TBL1Y: variants seen among roughly 807,000 people sequenced by gnomAD.
TBL1Y encodes F-box-like/WD repeat-containing protein TBL1Y.
TBL1Y carries 15 observed loss-of-function variants against 12.0 expected under a neutral mutation model. That is an observed-to-expected ratio of 1.25 (90% confidence interval 0.83 to 1.92). The LOEUF (loss-of-function observed/expected upper bound fraction) is 1.92. Ranked by LOEUF, TBL1Y falls within the 40% of genes most tolerant of loss-of-function variation. The pLI is 0.00. For missense variants in TBL1Y, 148 were observed against 116.7 expected (o/e 1.27, Z -1.24); for synonymous variants, 53 against 42.6 (o/e 1.24, Z -0.95).
intron 6 of TBL1Y, among the ~76,000 whole-genome samples, chrY:7,026,595 G>A (rs757961230): frequency 1.2e-4 from 4 of 34,141 alleles, no homozygotes; most frequent in African/African-American, 4.6e-4. Flanking sequence ...TGTAAAAAGT[G>A]CATGTGCACG....
chrY:6,998,669 G>A, intron 4 of TBL1Y, among the ~76,000 whole-genome samples: 1 of 32,393 alleles, frequency 3.1e-5, no homozygotes, highest in Non-Finnish European at 7.5e-5. Context: ...CAGAAAAATA[G>A]TTTTGCCTCC....
intron 7 of TBL1Y, among the ~76,000 whole-genome samples, chrY:7,053,998 G>T (rs763936401): frequency 2.9e-5 from 1 of 34,371 alleles, no homozygotes; most frequent in South Asian, 6.5e-4. Flanking sequence ...CCAAGGGTCC[G>T]GAGTTGGAAG....
intron 2 of TBL1Y, among the ~76,000 whole-genome samples, chrY:6,958,328 C>T (rs2012081322): frequency 3.0e-5 from 1 of 33,231 alleles, no homozygotes; most frequent in Non-Finnish European, 7.4e-5. Flanking sequence ...TTTAAGGAAT[C>T]AAGTAGAAGA....
intron 8 of TBL1Y, among the ~76,000 whole-genome samples, chrY:7,066,456 C>A: frequency 3.0e-5 from 1 of 33,434 alleles, no homozygotes; most frequent in Non-Finnish European, 7.3e-5. Context: ...CAGGCTCCAC[C>A]TCTCAGGATT....
intron 6 of TBL1Y, among the ~76,000 whole-genome samples, chrY:7,040,837 A>G (rs2012717614): frequency 2.9e-5 from 1 of 34,415 alleles, no homozygotes; most frequent in South Asian, 6.5e-4. Context: ...GATAGTTTAC[A>G]GAGTACTCAG....
chrY:7,074,331 G>A (rs972919017), intron 12 of TBL1Y, among the ~76,000 whole-genome samples: 1 of 33,162 alleles, frequency 3.0e-5, no homozygotes, highest in Non-Finnish European at 7.4e-5. Context: ...TATTTTAGGC[G>A]TATGGGAGTG....
intron 6 of TBL1Y, among the ~76,000 whole-genome samples, chrY:7,026,604 C>T: frequency 2.9e-5 from 1 of 33,951 alleles, no homozygotes; most frequent in Non-Finnish European, 7.3e-5. Context: ...TGCATGTGCA[C>T]GGAGACAGAG....
At chrY:6,922,531 T>C in intron 2 of TBL1Y, among the ~76,000 whole-genome samples, 1 of 33,648 alleles carries the variant, frequency 3.0e-5, no homozygotes, top group Non-Finnish European at 7.4e-5. Flanking sequence ...GCGTTTACAG[T>C]CCTTTAGCTA....
chrY:7,001,604 G>A, intron 4 of TBL1Y, among the ~76,000 whole-genome samples: 1 of 31,840 alleles, frequency 3.1e-5, no homozygotes, highest in Non-Finnish European at 7.6e-5. Flanking sequence ...GGGCAACACA[G>A]CGAGACTCCG....
chrY:6,983,090 A>G (rs987326410), intron 3 of TBL1Y, among the ~76,000 whole-genome samples: 2 of 32,452 alleles, frequency 6.2e-5, no homozygotes, highest in African/African-American at 1.2e-4. Flanking sequence ...GTAGAATTGT[A>G]GAATTGTAGA....
intron 7 of TBL1Y, among the ~76,000 whole-genome samples, chrY:7,061,428 G>A: frequency 3.1e-5 from 1 of 32,389 alleles, no homozygotes; most frequent in Non-Finnish European, 7.6e-5. Flanking sequence ...AAGGTATAGG[G>A]TACACTGTTT....
chrY:7,084,978 G>A (rs770294714), intron 14 of TBL1Y, among the ~76,000 whole-genome samples: 2 of 31,446 alleles, frequency 6.4e-5, no homozygotes, highest in Admixed American at 3.0e-4. Context: ...TCCACTCACC[G>A]GCAGGAGAGC....
intron 8 of TBL1Y, among the ~76,000 whole-genome samples, chrY:7,066,356 A>ATTGTTG (rs1308090704): frequency 4.5e-3 from 147 of 32,673 alleles, no homozygotes; most frequent in African/African-American, 0.016. Flanking sequence ...TTTTGTTGTT[A>ATTGTTG]TTGTTGTTGT....
At chrY:6,945,691 A>T (rs2011980746) in intron 2 of TBL1Y, among the ~76,000 whole-genome samples, 1 of 33,537 alleles carries the variant, frequency 3.0e-5, no homozygotes, top group African/African-American at 1.2e-4. Context: ...TGGTTTGGCT[A>T]TTAGAGGACA....
chrY:6,936,245 G>T, intron 2 of TBL1Y, among the ~76,000 whole-genome samples: 1 of 34,096 alleles, frequency 2.9e-5, no homozygotes, highest in African/African-American at 1.1e-4. Flanking sequence ...GGGCCAAATT[G>T]TACCCTCTCT....
At chrY:7,067,570 C>A in intron 8 of TBL1Y, among the ~76,000 whole-genome samples, 1 of 33,859 alleles carries the variant, frequency 3.0e-5, no homozygotes, top group Non-Finnish European at 7.3e-5. Context: ...TGGTATTTAC[C>A]AGTGGGAACT....
chrY:6,946,891 T>TGTA (rs2011988664), intron 2 of TBL1Y, among the ~76,000 whole-genome samples: 3 of 33,780 alleles, frequency 8.9e-5, no homozygotes, highest in Non-Finnish European at 1.5e-4. Flanking sequence ...GGGACAGAGC[T>TGTA]TCCAGGTCAC....
intron 18 of TBL1Y, among the ~76,000 whole-genome samples, chrY:7,090,559 G>A: frequency 3.0e-5 from 1 of 33,510 alleles, no homozygotes; most frequent in Non-Finnish European, 7.3e-5. Context: ...GAAATGCATC[G>A]TTAGGTGCTT....
At chrY:7,042,436 A>C (rs2012728139) in intron 6 of TBL1Y, among the ~76,000 whole-genome samples, 1 of 24,560 alleles carries the variant, frequency 4.1e-5, no homozygotes, top group Non-Finnish European at 9.3e-5. Flanking sequence ...TCTGTCACCC[A>C]GGCTGGAGTG....
Sources: gnomAD v4.1 joint callset for allele counts (sites outside exome capture counted in the v4.1 genomes callset) on GRCh38, gnomAD v4.1.1 for gene constraint, MANE v1.5 for transcripts, NCBI Gene and HGNC (gene_info 2026-07-23, HGNC 2026-07-21) for gene names.